The following ZNF618 variants were observed in gnomAD, a reference collection of about 807,000 sequenced individuals.
ZNF618 encodes neural precursor cell expressed, developmentally down-regulated 10.
A neutral mutation model predicts 103.0 loss-of-function variants in ZNF618; 34 were observed. That is an observed-to-expected ratio of 0.33 (90% CI 0.25 to 0.44). ZNF618 has a LOEUF of 0.44. Ranked by LOEUF, ZNF618 falls within the 20% of genes least tolerant of loss-of-function variation. ZNF618 has a pLI of 1.00. For synonymous variants in ZNF618, 551 were observed against 542.2 expected, an observed-to-expected ratio of 1.02 and a Z score of -0.23; for missense variants, 1,059 against 1,295.4, an observed-to-expected ratio of 0.82 and a Z score of 2.80.
rs2134811458 is a variant in ZNF618, at chr9:114,055,700, A to T, written c.*5533A>T. On this transcript the variant is annotated 3_prime_UTR_variant, in exon 15 of 15. Transcript: ENST00000374126. ...TCTCTCTTTGAGTGCAAGAAACTCA[A>T]GTCATCTTAAAAAAAAAAAAATACA... 6.9e-6 allele frequency: 1 copy of T among 144,316 alleles called. No homozygotes were observed. The highest frequency in any genetic ancestry group is 2.3e-4 in the East Asian group (1 of 4,370). The allele number at this position is 144,316 out of a possible 1,614,324, so 8.9% of individuals were successfully genotyped here.
intron 2 of ZNF618, among the ~76,000 whole-genome samples, chr9:113,983,878 A>G (rs998725846): frequency 3.3e-5 from 5 of 152,150 alleles, no homozygotes; most frequent in African/African-American, 1.2e-4. Context: ...CTAGAAACCC[A>G]TCTCAAGGAT....
At chr9:113,891,459 CTGT>C (rs1454353590) in intron 1 of ZNF618, among the ~76,000 whole-genome samples, 1 of 152,118 alleles carries the variant, frequency 6.6e-6, no homozygotes, top group African/African-American at 2.4e-5. Context: ...ATTAGTATGG[CTGT>C]TATTTTTTTT....
intron 10 of ZNF618, among the ~76,000 whole-genome samples, chr9:114,024,776 A>G (rs1843357698): frequency 6.9e-6 from 1 of 144,284 alleles, no homozygotes; most frequent in Non-Finnish European, 1.5e-5. Context: ...GGCTTTGCGG[A>G]GACTCATCTG....
At chr9:113,882,735 A>G (rs1828647000) in intron 1 of ZNF618, among the ~76,000 whole-genome samples, 1 of 152,164 alleles carries the variant, frequency 6.6e-6, no homozygotes, top group African/African-American at 2.4e-5. Context: ...TAAAAGGGAT[A>G]CATCTCAATC....
At chr9:114,006,573 T>C (rs929133716) in intron 6 of ZNF618, among the ~76,000 whole-genome samples, 2 of 152,188 alleles carry the variant, frequency 1.3e-5, no homozygotes, top group Admixed American at 6.5e-5. Context: ...CTCATGTTAG[T>C]TACCTATTGC....
intron 1 of ZNF618, among the ~76,000 whole-genome samples, chr9:113,943,364 A>C (rs1455451689): frequency 1.3e-5 from 2 of 152,108 alleles, no homozygotes; most frequent in Admixed American, 1.3e-4. Flanking sequence ...AAGAGAAGGG[A>C]GAGTGCTGGG....
intron 1 of ZNF618, among the ~76,000 whole-genome samples, chr9:113,886,864 T>C (rs1829114450): frequency 6.6e-6 from 1 of 151,458 alleles, no homozygotes; most frequent in South Asian, 2.1e-4. Flanking sequence ...AAAAAGACTA[T>C]AAAAGTAATA....
In ZNF618 at chr9:114,052,572, T is replaced by C. The variant is rs1159377773; in HGVS notation, c.*2405T>C. The stretch of plus-strand genomic sequence containing the variant: ...TGGAAGGTGGCCTCAGCATCACTGA[T>C]GATTGACAGATGCTACAGCAAAAGG... On this transcript the variant is annotated 3_prime_UTR_variant, in exon 15 of 15. Transcript: ENST00000374126. The C allele has an allele frequency of 6.6e-6, 1 of 152,264 alleles. No homozygotes were observed. Among genetic ancestry groups the C allele is most frequent in the East Asian group, 1.9e-4 (1 of 5,186 alleles). 9.4% of individuals were successfully genotyped at this position (152,264 alleles called of 1,614,324 possible).
At chr9:113,981,716 G>A (rs1414695080) in intron 2 of ZNF618, among the ~76,000 whole-genome samples, 1 of 152,218 alleles carries the variant, frequency 6.6e-6, no homozygotes, top group East Asian at 1.9e-4. Context: ...ATTGTCTTAG[G>A]CTGCAAGCTT....
At chr9:114,005,080 T>C (rs1841613586) in intron 6 of ZNF618, among the ~76,000 whole-genome samples, 1 of 152,184 alleles carries the variant, frequency 6.6e-6, no homozygotes, top group South Asian at 2.1e-4. Context: ...TTCTTTATTA[T>C]AACTATAGGA....
At position 114,002,082 on chromosome 9, in the gene ZNF618, A is replaced by G. The variant is rs1002712986; in HGVS notation, c.511+9A>G. The stretch of plus-strand genomic sequence containing the variant: ...CGTGCGGGCGCACCGAGGTGAGAGG[A>G]GTGTCCCTGGGGCAGAGCCCAGGGG... On this transcript the variant is annotated intron_variant, in intron 5 of 14. Coordinates refer to ENST00000374126, the MANE Select transcript of ZNF618 (RefSeq NM_001318042.2). The G allele has an allele frequency of 2.5e-6, 4 of 1,611,540 alleles. No homozygotes were observed. The highest frequency in any genetic ancestry group is 3.4e-6 in the Non-Finnish European group (4 of 1,179,418).
chr9:113,885,204 A>G (rs1564127193), intron 1 of ZNF618, among the ~76,000 whole-genome samples: 2 of 152,142 alleles, frequency 1.3e-5, no homozygotes, highest in African/African-American at 2.4e-5. Flanking sequence ...TTCCTGGATG[A>G]TGACCTGGGT....
chr9:113,900,460 T>G (rs1160566504), intron 1 of ZNF618, among the ~76,000 whole-genome samples: 1 of 152,176 alleles, frequency 6.6e-6, no homozygotes, highest in Non-Finnish European at 1.5e-5. Flanking sequence ...GATTCTTTCC[T>G]TCATCTTACA....
At chr9:113,961,822 A>G (rs1836865520) in intron 1 of ZNF618, among the ~76,000 whole-genome samples, 1 of 152,252 alleles carries the variant, frequency 6.6e-6, no homozygotes, top group South Asian at 2.1e-4. Flanking sequence ...CACCTGGTGA[A>G]TAAATGCTGG....
intron 13 of ZNF618, among the ~76,000 whole-genome samples, chr9:114,039,385 C>T (rs181737876): frequency 1.1e-3 from 157 of 139,102 alleles, no homozygotes; most frequent in African/African-American, 4.1e-3. Flanking sequence ...CTCGATCTGT[C>T]GCCCAGGCTG....
chr9:113,994,284 G>A lies in ZNF618; in HGVS notation c.338-3975G>A, dbSNP rs1036423084. ...TGTGACAGACCCAGGCAGCGTAGGT[G>A]CCAGGTCCTGCTTCATCGTGCCAGC... On this transcript the variant is annotated intron_variant, in intron 3 of 14. Transcript: ENST00000374126. 7.2e-5 allele frequency among the ~76,000 whole-genome samples: 11 copies of A among 152,330 alleles called. No homozygotes were observed. In the East Asian group the frequency reaches 1.7e-3, roughly 24 times the overall value.
intron 10 of ZNF618, among the ~76,000 whole-genome samples, chr9:114,020,974 T>C (rs561230023): frequency 7.1e-6 from 1 of 140,158 alleles, no homozygotes; most frequent in East Asian, 2.0e-4. Flanking sequence ...TTATTTATAG[T>C]TTATTAAAAG....
intron 1 of ZNF618, among the ~76,000 whole-genome samples, chr9:113,896,533 A>G (rs372468858): frequency 1.3e-5 from 2 of 151,984 alleles, no homozygotes; most frequent in African/African-American, 4.8e-5. Flanking sequence ...GAAATGTTTC[A>G]TCTGCTTGCG....
intron 1 of ZNF618, 47 bp downstream of exon 1, chr9:113,876,460 G>A (rs2130674977): frequency 8.5e-7 from 1 of 1,180,792 alleles, no homozygotes; most frequent in Non-Finnish European, 1.1e-6. Flanking sequence ...GACCCCGGGG[G>A]GCCGGGGCCC....
Sources: gnomAD v4.1 joint callset for allele counts (sites outside exome capture counted in the v4.1 genomes callset) on GRCh38, gnomAD v4.1.1 for gene constraint, MANE v1.5 for transcripts, NCBI Gene and HGNC (gene_info 2026-07-23, HGNC 2026-07-21) for gene names.